Variants in IFIH1 observed in about 807,000 individuals in gnomAD.
IFIH1 encodes interferon-induced helicase C domain-containing protein 1.
A neutral mutation model predicts 107.4 loss-of-function variants in IFIH1; 125 were observed. That is an observed-to-expected ratio of 1.16 (90% CI 1.01 to 1.35). The LOEUF (loss-of-function observed/expected upper bound fraction) is 1.35. Among genes scored for constraint, IFIH1 ranks in the 40% most tolerant of loss-of-function variants. The probability of loss-of-function intolerance (pLI) is 0.00; values close to 1 mark genes in which losing one functional copy is unlikely to be tolerated. For synonymous variants in IFIH1, 458 were observed against 413.2 expected (o/e 1.11, Z -1.31); for missense variants, 1,333 against 1,213.7 (o/e 1.10, Z -1.46).
At chr2:162,290,670 C>G (rs1246017682) in intron 4 of IFIH1, among the ~76,000 whole-genome samples, 1 of 151,866 alleles carries the variant, frequency 6.6e-6, no homozygotes, top group African/African-American at 2.4e-5. Flanking sequence ...ACAAAAATAC[C>G]TGGTTAGACA....
intron 3 of IFIH1, among the ~76,000 whole-genome samples, chr2:162,298,767 TACAC>T (rs1330010083): frequency 6.6e-6 from 1 of 151,468 alleles, no homozygotes; most frequent in Non-Finnish European, 1.5e-5. Context: ...TATATGGATC[TACAC>T]ACACACGCAC....
In IFIH1 at chr2:162,276,768, A is replaced by G. The variant is rs373758432; in HGVS notation, c.2223T>C (p.Asn741=). The G allele has an allele frequency of 6.2e-7, 1 of 1,613,856 alleles. No individual in the cohort carries two copies. Among genetic ancestry groups the G allele is most frequent in the African/African-American group, 1.3e-5 (1 of 75,006 alleles). ...AYALSQWITE[N]EKFAEVGVKA... ...TGACTCCTACTTCAGCAAATTTTTC[A>G]TTTTCAGTAATCCACTGGGAAAGCG... The change falls in exon 11 of 16, where the codon AAT becomes AAC. Residue 741 remains asparagine (N), a synonymous_variant. Transcript: ENST00000649979.
chr2:162,276,897 A>G lies in IFIH1; in HGVS notation c.2094T>C (p.Asn698=), dbSNP rs1682679249. Residue 698 remains asparagine (N), a synonymous_variant, in exon 11 of 16, where the codon AAT becomes AAC. Coordinates refer to ENST00000649979, the MANE Select transcript of IFIH1 (RefSeq NM_022168.4). ...TATTTCTTAATTTGGTCAGCTTTTCATTTTCATATTCTGGGTTTTCAGCCA... is the reference window on the plus strand; with the variant it reads ...TATTTCTTAATTTGGTCAGCTTTTCGTTTTCATATTCTGGGTTTTCAGCCA... ...KRLAENPEYE[N]EKLTKLRNTI... The G allele has an allele frequency of 6.2e-7, 1 of 1,611,866 alleles. No homozygotes were observed. Among genetic ancestry groups the G allele is most frequent in the South Asian group, 1.1e-5 (1 of 90,346 alleles).
intron 3 of IFIH1, among the ~76,000 whole-genome samples, chr2:162,302,714 A>T (rs897108517): frequency 6.6e-6 from 1 of 152,238 alleles, no homozygotes; most frequent in Admixed American, 6.5e-5. Flanking sequence ...AGTAATTCTT[A>T]GTCCTTAAGA....
At chr2:162,293,479 G>A in intron 4 of IFIH1, 85 bp downstream of exon 4, 1 of 748,936 alleles carries the variant, frequency 1.3e-6, no homozygotes. Context: ...AAATACATTA[G>A]GGAGGGTATG....
In IFIH1 at chr2:162,276,733, TG is replaced by T. The variant is rs778910754; in HGVS notation, c.2257del (p.His753IlefsTer2). 8 of 1,613,928 alleles carry T rather than the reference TG, an allele frequency of 5.0e-6. No homozygotes were observed. The East Asian group carries it at 1.8e-4, about 36-fold the overall frequency. ...ACTGCTGTGTCCAGCTCCAATCAGA[TG>T]GTGGGCTTTGACTCCTACTTCAGCA... ...KFAEVGVKAH[H>X]LIGAGHSSEF... is the part of the protein sequence containing the mutation. On this transcript the variant is annotated frameshift_variant, in exon 11 of 16. Coordinates refer to ENST00000649979, the MANE Select transcript of IFIH1 (RefSeq NM_022168.4). LOFTEE classifies it high-confidence loss of function.
chr2:162,288,960 C>A (rs1576230000), intron 4 of IFIH1, among the ~76,000 whole-genome samples: 1 of 150,654 alleles, frequency 6.6e-6, no homozygotes, highest in Non-Finnish European at 1.5e-5. Flanking sequence ...CACACACAGA[C>A]ACCCTATCTA....
Position 162,281,436 on chromosome 2 carries a change from CTT to C in IFIH1, c.1414_1415del (p.Lys472GlufsTer31). 6.2e-7 allele frequency: 1 copy of C among 1,612,580 alleles called. No individual in the cohort carries two copies. The highest frequency in any genetic ancestry group is 8.5e-7 in the Non-Finnish European group (1 of 1,179,046). On this transcript the variant is annotated frameshift_variant, in exon 7 of 16. Transcript: ENST00000649979. LOFTEE classifies it high-confidence loss of function. The stretch of plus-strand genomic sequence containing the variant: ...GGGGAATCACTGGTTTGTTTTCTTT[CTT>C]GAGTCTATTGTTTTTCAACTTCTGC... ...LMQKLKNNRL[K>X]KENKPVIPLP...
At chr2:162,303,570 A>G (rs1324078471) in intron 3 of IFIH1, among the ~76,000 whole-genome samples, 2 of 152,052 alleles carry the variant, frequency 1.3e-5, no homozygotes, top group African/African-American at 2.4e-5. Context: ...AATAGTTGTT[A>G]AATGAAAGAA....
At chr2:162,276,497 C>T in intron 11 of IFIH1, among the ~76,000 whole-genome samples, 190 bp downstream of exon 11, 1 of 152,010 alleles carries the variant, frequency 6.6e-6, no homozygotes, top group South Asian at 2.1e-4. Flanking sequence ...CCCAGCTGCT[C>T]AGGAGGCTGG....
rs990952571 is a variant in IFIH1 at position 162,280,241 on chromosome 2, C to T, written c.1525-129G>A. On this transcript the variant is annotated intron_variant, in intron 7 of 15. Transcript: ENST00000649979. ...AGCATAAATATGTGGTATAAAATTT[C>T]ATGAAAGTAATATGTAGCATTGCTT... The T allele has an allele frequency of 8.0e-6, 5 of 622,458 alleles. No individual in the cohort carries two copies. The African/African-American group carries it at 9.3e-5, about 12-fold the overall frequency. The allele number at this position is 622,458 out of a possible 1,614,324, so 38.6% of individuals were successfully genotyped here.
chr2:162,280,110 T>C lies in IFIH1; in HGVS notation c.1527A>G (p.Leu509=), dbSNP rs749062549. The C allele has an allele frequency of 4.2e-5, 63 of 1,498,138 alleles. No individual in the cohort carries two copies. Among genetic ancestry groups the C allele is most frequent in the East Asian group, 2.3e-4 (10 of 44,248 alleles). 92.8% of individuals were successfully genotyped at this position (1,498,138 alleles called of 1,614,324 possible). ...TAGTAAATGCATCAAGATTGGCACATAGCTGGAAAAGAGACATTTTTCAAT... is the reference window on the plus strand; with the variant it reads ...TAGTAAATGCATCAAGATTGGCACACAGCTGGAAAAGAGACATTTTTCAAT... ...QAKAEEHILK[L]CANLDAFTIK... The change falls in exon 8 of 16, where the codon CTA becomes CTG. Residue 509 remains leucine (L), a splice_region_variant and synonymous_variant. Transcript: ENST00000649979.
chr2:162,282,553 G>A lies in IFIH1; in HGVS notation c.1119C>T (p.Phe373=). The A allele has an allele frequency of 1.2e-6, 2 of 1,610,416 alleles. No homozygotes were observed. Among genetic ancestry groups the A allele is most frequent in the South Asian group, 1.1e-5 (1 of 90,814 alleles). Residue 373 remains phenylalanine (F), a synonymous_variant, in exon 6 of 16, where the codon TTC becomes TTT. Transcript: ENST00000649979. ...TCAAAAATGGTTGGAACTCCTTGCG[G>A]AAGAGCTGTTCAACTAGCAGTACCT... ...VNKVLLVEQL[F]RKEFQPFLKK...
intron 1 of IFIH1, among the ~76,000 whole-genome samples, chr2:162,312,378 G>A (rs145491711): frequency 6.6e-5 from 10 of 152,120 alleles, no homozygotes; most frequent in African/African-American, 2.4e-4. Flanking sequence ...CCAGAAATAG[G>A]TACCAATATT....
chr2:162,299,493 A>T (rs1309479762), intron 3 of IFIH1, among the ~76,000 whole-genome samples: 4 of 152,148 alleles, frequency 2.6e-5, no homozygotes, highest in African/African-American at 9.6e-5. Flanking sequence ...AGGTTTGTCA[A>T]TTTCCATGGT....
At chr2:162,312,472 A>G (rs1683399182) in intron 1 of IFIH1, among the ~76,000 whole-genome samples, 1 of 152,208 alleles carries the variant, frequency 6.6e-6, no homozygotes, top group Non-Finnish European at 1.5e-5. Context: ...TGGCAGAAGT[A>G]GAATTTGATC....
Position 162,318,218 on chromosome 2 carries a change from A to G in IFIH1, c.90T>C (p.Pro30=), listed in dbSNP as rs1291802630. 1.2e-6 allele frequency: 2 copies of G among 1,614,048 alleles called. No individual in the cohort carries two copies. Among genetic ancestry groups the G allele is most frequent in the African/African-American group, 1.3e-5 (1 of 74,928 alleles). The change falls in exon 1 of 16, where the codon CCT becomes CCC. Residue 30 remains proline, a synonymous_variant. Transcript: ENST00000649979. ...ARVKMYIQVE[P]VLDYLTFLPA... Reference sequence around the variant, plus strand: ...GCAGAAAGGTCAGGTAGTCCAGCACAGGCTCCACCTGGATGTACATTTTCA... The same window carrying G: ...GCAGAAAGGTCAGGTAGTCCAGCACGGGCTCCACCTGGATGTACATTTTCA...
intron 5 of IFIH1, among the ~76,000 whole-genome samples, chr2:162,282,813 AC>A (rs1682834550): frequency 6.6e-6 from 1 of 151,874 alleles, no homozygotes; most frequent in Non-Finnish European, 1.5e-5. Context: ...ATGGTTGACA[AC>A]TCTGAGGAAC....
intron 5 of IFIH1, among the ~76,000 whole-genome samples, chr2:162,286,498 A>G (rs1682895588): frequency 6.6e-6 from 1 of 151,924 alleles, no homozygotes; most frequent in Non-Finnish European, 1.5e-5. Context: ...CTATTAGCCT[A>G]TGTCCCTGTG....
Sources: allele counts gnomAD v4.1 joint callset (sites outside exome capture counted in the v4.1 genomes callset), GRCh38; gene constraint gnomAD v4.1.1; transcripts MANE v1.5; gene names NCBI Gene and HGNC (gene_info 2026-07-23, HGNC 2026-07-21).